AMTN: variants seen among roughly 807,000 people sequenced by gnomAD.
AMTN encodes the protein amelotin, also known as RSTI689.
Under a neutral mutation model 27.4 loss-of-function variants are expected in AMTN, and 29 were observed. The ratio of observed to expected loss-of-function variants is 1.06; its 90% CI spans 0.79 to 1.44. The LOEUF (loss-of-function observed/expected upper bound fraction) is 1.44, where lower values mean the gene tolerates loss of function less well. Ranked by LOEUF, AMTN falls within the 40% of genes most tolerant of loss-of-function variation. The probability of loss-of-function intolerance (pLI) is 0.00; values close to 1 mark genes in which losing one functional copy is unlikely to be tolerated. For missense variants in AMTN, 247 were observed against 248.8 expected, an observed-to-expected ratio of 0.99 and a Z score of 0.05; for synonymous variants, 86 against 95.7, an observed-to-expected ratio of 0.90 and a Z score of 0.59.
intron 5 of AMTN, among the ~76,000 whole-genome samples, chr4:70,526,491 T>A (rs77412691): frequency 0.017 from 2,593 of 152,286 alleles, 34 homozygotes; most frequent in South Asian, 0.054. Flanking sequence ...TTGGACCAAC[T>A]CTTAGGAACA....
intron 4 of AMTN, 29 bp downstream of exon 4, chr4:70,523,962 C>T: frequency 3.2e-6 from 5 of 1,568,484 alleles, no homozygotes; most frequent in Non-Finnish European, 4.4e-6. Context: ...TATTTTAATA[C>T]CCATTGTGAA....
At chr4:70,524,421 ATTTT>A (rs1292791145) in intron 4 of AMTN, among the ~76,000 whole-genome samples, 1 of 152,156 alleles carries the variant, frequency 6.6e-6, no homozygotes, top group African/African-American at 2.4e-5. Flanking sequence ...GTTAAAGTGG[ATTTT>A]TTTAGTGGTC....
Position 70,532,562 on chromosome 4 carries a change from G to T in AMTN, c.*97G>T. 2 of 1,098,112 alleles carry T rather than the reference G, an allele frequency of 1.8e-6. No individual in the cohort carries two copies. The highest frequency in any genetic ancestry group is 2.2e-5 in the Admixed American group (1 of 45,724). The allele number at this position is 1,098,112 out of a possible 1,614,324, so 68.0% of individuals were successfully genotyped here. Reference sequence around the variant, plus strand: ...TTATGGAATAGATTGAGACACATTGGATAGTCTTAGAAGAAATTAATTCTT... The same window carrying T: ...TTATGGAATAGATTGAGACACATTGTATAGTCTTAGAAGAAATTAATTCTT... On this transcript the variant is annotated 3_prime_UTR_variant, in exon 9 of 9. Coordinates refer to ENST00000339336, the MANE Select transcript of AMTN (RefSeq NM_212557.4).
At position 70,527,782 on chromosome 4, in the gene AMTN, G is replaced by A. The variant is rs533471661; in HGVS notation, c.295-941G>A. Among the ~76,000 whole-genome samples, 7 of 152,242 alleles carry A rather than the reference G, an allele frequency of 4.6e-5. No individual in the cohort carries two copies. The South Asian group carries it at 1.0e-3, about 23-fold the overall frequency. On this transcript the variant is annotated intron_variant, in intron 5 of 8. Coordinates refer to ENST00000339336, the MANE Select transcript of AMTN (RefSeq NM_212557.4). ...GCTTTCTTTGACAAACTTCTGGCCG[G>A]TTCTCAAAGTAGCAGAGTATGGGAG... is the stretch of plus-strand genomic sequence containing the variant.
At chr4:70,527,556 TGTAC>T (rs1736126339) in intron 5 of AMTN, among the ~76,000 whole-genome samples, 1 of 152,192 alleles carries the variant, frequency 6.6e-6, no homozygotes, top group Non-Finnish European at 1.5e-5. Context: ...TTTTAATAAA[TGTAC>T]GTAATTTTTC....
intron 5 of AMTN, among the ~76,000 whole-genome samples, chr4:70,526,427 G>T (rs1736100527): frequency 6.6e-6 from 1 of 152,098 alleles, no homozygotes; most frequent in African/African-American, 2.4e-5. Flanking sequence ...TATAAACAAT[G>T]CTACAGTGAG....
chr4:70,521,586 A>G (rs566030999), intron 2 of AMTN, among the ~76,000 whole-genome samples: 2 of 143,560 alleles, frequency 1.4e-5, no homozygotes, highest in Non-Finnish European at 1.5e-5. Flanking sequence ...ATATATATGT[A>G]TATATAATCT....
At chr4:70,531,322 C>T (rs749871752) in intron 8 of AMTN, 22 bp downstream of exon 8, 1 of 1,612,284 alleles carries the variant, frequency 6.2e-7, no homozygotes, top group Admixed American at 1.7e-5. Flanking sequence ...TAGCTTGGAA[C>T]ATGCTTCTTG....
chr4:70,531,070 C>T lies in AMTN; in HGVS notation c.389C>T (p.Ser130Phe), dbSNP rs2109775726. Residue 130 changes from serine (S) to phenylalanine (F), a missense_variant, in exon 8 of 9, where the codon TCC (serine) becomes TTC (phenylalanine). Physicochemically the swap from Ser to Phe is radical, Grantham distance 155. Transcript: ENST00000339336. The part of the protein sequence containing the change: ...PQIFTSLIIH[S>F]LFPGGILPTS... ...ATCTTCACGAGCCTCATCATCCATTCCTTGTTCCCGGGAGGCATCCTGCCC... is the reference window on the plus strand; with the variant it reads ...ATCTTCACGAGCCTCATCATCCATTTCTTGTTCCCGGGAGGCATCCTGCCC... 1 of 1,614,080 alleles carries T rather than the reference C, an allele frequency of 6.2e-7. No individual in the cohort carries two copies. Among genetic ancestry groups the T allele is most frequent in the Non-Finnish European group, 8.5e-7 (1 of 1,179,968 alleles).
At chr4:70,518,677 C>A in intron 1 of AMTN, 23 bp downstream of exon 1, 5 of 939,672 alleles carry the variant, frequency 5.3e-6, no homozygotes, top group Non-Finnish European at 8.5e-6. Context: ...GACCATGTTT[C>A]AAGTAGAACT....
chr4:70,525,539 T>C (rs1002066862), intron 5 of AMTN, among the ~76,000 whole-genome samples: 1 of 152,202 alleles, frequency 6.6e-6, no homozygotes, highest in Admixed American at 6.5e-5. Flanking sequence ...TTGAAGTGTT[T>C]GCATTTTAAC....
chr4:70,521,580 A>G (rs1047992715), intron 2 of AMTN, among the ~76,000 whole-genome samples: 8 of 143,672 alleles, frequency 5.6e-5, no homozygotes, highest in African/African-American at 2.0e-4. Flanking sequence ...TTATGTATAT[A>G]TATGTATATA....
chr4:70,527,690 C>G (rs1736128654), intron 5 of AMTN, among the ~76,000 whole-genome samples: 1 of 151,964 alleles, frequency 6.6e-6, no homozygotes, highest in Non-Finnish European at 1.5e-5. Flanking sequence ...ATTAAGAGTC[C>G]CATTTTGATT....
At chr4:70,519,450 T>C (rs28420645) in intron 2 of AMTN, among the ~76,000 whole-genome samples, 67,750 of 152,006 alleles carry the variant, frequency 0.45, 15,894 homozygotes, top group Admixed American at 0.52. Flanking sequence ...TCTTTGACTG[T>C]TCAAGATGGT....
intron 4 of AMTN, among the ~76,000 whole-genome samples, chr4:70,524,668 C>CA (rs1450728281): frequency 1.3e-5 from 2 of 152,092 alleles, no homozygotes; most frequent in African/African-American, 4.8e-5. Flanking sequence ...GAAAAGTTAG[C>CA]AATAGCCCTT....
chr4:70,521,584 G>T (rs1197321926), intron 2 of AMTN, among the ~76,000 whole-genome samples: 1 of 135,742 alleles, frequency 7.4e-6, no homozygotes, highest in Non-Finnish European at 1.5e-5. Context: ...GTATATATAT[G>T]TATATATAAT....
At position 70,521,640 on chromosome 4, in the gene AMTN, C is replaced by CTTTTTT. The variant is rs763143860; in HGVS notation, c.55-1084_55-1079dup. 1.4e-3 allele frequency among the ~76,000 whole-genome samples: 105 copies of CTTTTTT among 76,462 alleles called. 17 individuals are homozygous for CTTTTTT. The highest frequency in any genetic ancestry group is 8.8e-3 in the Middle Eastern group (1 of 114). The allele number at this position is 76,462 out of a possible 152,430, so 50.2% of individuals were successfully genotyped here. The stretch of plus-strand genomic sequence containing the variant: ...CCTAGAACAGATAATACCAACCTCT[C>CTTTTTT]TTTTTTTTTTTTTTTTTTTTTTTTT... On this transcript the variant is annotated intron_variant, in intron 2 of 8. Coordinates refer to ENST00000339336, the MANE Select transcript of AMTN (RefSeq NM_212557.4).
Position 70,532,527 on chromosome 4 carries a change from A to T in AMTN, c.*62A>T. 7.0e-7 allele frequency: 1 copy of T among 1,433,528 alleles called. No individual in the cohort carries two copies. The highest frequency in any genetic ancestry group is 9.8e-7 in the Non-Finnish European group (1 of 1,023,178). The allele number at this position is 1,433,528 out of a possible 1,614,324, so 88.8% of individuals were successfully genotyped here. A position where few individuals can be genotyped will look rare whatever the true frequency, so the allele number is the denominator to read the frequency against. On this transcript the variant is annotated 3_prime_UTR_variant, in exon 9 of 9. Transcript: ENST00000339336. ...TTGGTGATACATGTGAATCTTTATC[A>T]TTGATTATATTATGGAATAGATTGA...
In AMTN at chr4:70,522,846, T is replaced by C. The variant is rs1466564297; in HGVS notation, c.138+8T>C. On this transcript the variant is annotated splice_region_variant and intron_variant, in intron 3 of 8. Coordinates refer to ENST00000339336, the MANE Select transcript of AMTN (RefSeq NM_212557.4). The stretch of plus-strand genomic sequence containing the variant: ...CAACAGCAGTCAAATCAGGTAAGAG[T>C]CCTACAATATGGAACATGTACAAAC... 5.6e-6 allele frequency: 9 copies of C among 1,612,220 alleles called. No homozygotes were observed. Among genetic ancestry groups the C allele is most frequent in the Non-Finnish European group, 7.6e-6 (9 of 1,178,772 alleles).
Sources: allele counts gnomAD v4.1 joint callset (sites outside exome capture counted in the v4.1 genomes callset), GRCh38; gene constraint gnomAD v4.1.1; transcripts MANE v1.5; gene names NCBI Gene and HGNC (gene_info 2026-07-23, HGNC 2026-07-21).